Variants in TMED10 observed in about 807,000 individuals in gnomAD.
The protein encoded by TMED10 is transmembrane p24 trafficking protein 10.
Under a neutral mutation model 23.1 loss-of-function variants are expected in TMED10, and 7 were observed. The ratio of observed to expected loss-of-function variants is 0.30; its 90% CI spans 0.17 to 0.57. The LOEUF (loss-of-function observed/expected upper bound fraction) is 0.57, where lower values mean the gene tolerates loss of function less well. Ranked by LOEUF, TMED10 falls within the 20% of genes least tolerant of loss-of-function variation. The probability of loss-of-function intolerance (pLI) is 0.91; values close to 1 mark genes in which losing one functional copy is unlikely to be tolerated. For missense variants in TMED10, 162 were observed against 274.8 expected, an observed-to-expected ratio of 0.59 and a Z score of 2.90; for synonymous variants, 113 against 106.9, an observed-to-expected ratio of 1.06 and a Z score of -0.35.
chr14:75,172,284 T>C (rs554830667), intron 1 of TMED10, among the ~76,000 whole-genome samples: 1 of 151,942 alleles, frequency 6.6e-6, no homozygotes, highest in Non-Finnish European at 1.5e-5. Flanking sequence ...TCATACTATA[T>C]GGACTGGGTA....
chr14:75,168,620 A>C (rs1336218957), intron 1 of TMED10, among the ~76,000 whole-genome samples: 1 of 152,216 alleles, frequency 6.6e-6, no homozygotes, highest in Non-Finnish European at 1.5e-5. Flanking sequence ...AAACAGGACC[A>C]GAGAAGAAGG....
At chr14:75,139,319 T>C (rs1895793355) in intron 3 of TMED10, 1 of 332,424 alleles carries the variant, frequency 3.0e-6, no homozygotes, top group South Asian at 2.5e-5. Flanking sequence ...TCTTAACTGC[T>C]GCACAGCATT....
intron 3 of TMED10, among the ~76,000 whole-genome samples, chr14:75,147,360 A>C (rs899037647): frequency 6.6e-6 from 1 of 151,894 alleles, no homozygotes; most frequent in African/African-American, 2.4e-5. Flanking sequence ...CTCCTGGCTA[A>C]TTTTTGTATT....
At chr14:75,175,039 C>CAAAAAAA (rs57423430) in intron 1 of TMED10, among the ~76,000 whole-genome samples, 4 of 87,084 alleles carry the variant, frequency 4.6e-5, no homozygotes, top group Admixed American at 1.3e-4. Context: ...GACTCCGTCT[C>CAAAAAAA]AAAAAAAAAA....
chr14:75,172,995 C>T (rs1184386984), intron 1 of TMED10, among the ~76,000 whole-genome samples: 1 of 152,068 alleles, frequency 6.6e-6, no homozygotes, highest in African/African-American at 2.4e-5. Context: ...TCGGGTGGGC[C>T]GGGAGCTCCC....
intron 1 of TMED10, among the ~76,000 whole-genome samples, chr14:75,153,321 A>G (rs1320587600): frequency 6.6e-6 from 1 of 152,160 alleles, no homozygotes; most frequent in Non-Finnish European, 1.5e-5. Context: ...ATCCTAAAAA[A>G]AAAAAGGTAT....
intron 1 of TMED10, among the ~76,000 whole-genome samples, chr14:75,158,489 G>A (rs1480479225): frequency 6.6e-6 from 1 of 152,044 alleles, no homozygotes. Context: ...CACTACACCC[G>A]ACTAATTGTC....
chr14:75,163,351 G>A lies in TMED10; in HGVS notation c.226-11208C>T, dbSNP rs572861628. Among the ~76,000 whole-genome samples, 36 of 151,956 alleles carry A rather than the reference G, an allele frequency of 2.4e-4. No individual in the cohort carries two copies. In the East Asian group the frequency reaches 6.2e-3, roughly 26 times the overall value. ...GCAGATCACTTGAGGTCAGGAGTTCGAGACCATCTTGCCTAACACGGTGAA... is the reference window on the plus strand; with the variant it reads ...GCAGATCACTTGAGGTCAGGAGTTCAAGACCATCTTGCCTAACACGGTGAA... On this transcript the variant is annotated intron_variant, in intron 1 of 4. Transcript: ENST00000303575.
intron 1 of TMED10, among the ~76,000 whole-genome samples, chr14:75,153,158 C>T (rs1895975557): frequency 6.6e-6 from 1 of 151,838 alleles, no homozygotes; most frequent in African/African-American, 2.4e-5. Flanking sequence ...GGCGAAACCT[C>T]ATCTCTACAA....
At chr14:75,155,134 T>A (rs1329641164) in intron 1 of TMED10, among the ~76,000 whole-genome samples, 1 of 152,016 alleles carries the variant, frequency 6.6e-6, no homozygotes, top group African/African-American at 2.4e-5. Flanking sequence ...AATTTTTATG[T>A]TTTTAGTAGA....
chr14:75,168,545 A>C lies in TMED10; in HGVS notation c.225+7810T>G, dbSNP rs1252818699. 2.6e-5 allele frequency among the ~76,000 whole-genome samples: 4 copies of C among 152,338 alleles called. 1 individual carries two copies. The highest frequency in any genetic ancestry group is 9.6e-5 in the African/African-American group (4 of 41,588). ...CACCATAATGGGCCCTGCACAATAA[A>C]AACCTCACCCATCTCAATCAGTCCT... On this transcript the variant is annotated intron_variant, in intron 1 of 4. Coordinates refer to ENST00000303575, the MANE Select transcript of TMED10 (RefSeq NM_006827.6).
At position 75,133,830 on chromosome 14, in the gene TMED10, G is replaced by A; in HGVS notation, c.*1055C>T. ...TACTACTCAGCAATCAAAAGGAACT[G>A]CCCCCACTTCACCACGATGCAATAT... On this transcript the variant is annotated 3_prime_UTR_variant, in exon 5 of 5. Coordinates refer to ENST00000303575, the MANE Select transcript of TMED10 (RefSeq NM_006827.6). 1 of 305,276 alleles carries A rather than the reference G, an allele frequency of 3.3e-6. No homozygotes were observed. The highest frequency in any genetic ancestry group is 6.2e-6 in the Non-Finnish European group (1 of 161,568). 18.9% of individuals were successfully genotyped at this position (305,276 alleles called of 1,614,324 possible). A position where few individuals can be genotyped will look rare whatever the true frequency, so the allele number is the denominator to read the frequency against.
chr14:75,138,452 C>T (rs1252912069), intron 3 of TMED10, among the ~76,000 whole-genome samples: 1 of 152,178 alleles, frequency 6.6e-6, no homozygotes, highest in African/African-American at 2.4e-5. Context: ...AGCTAACTTT[C>T]CTAAGTGAAT....
intron 2 of TMED10, among the ~76,000 whole-genome samples, chr14:75,151,325 T>C (rs142731716): frequency 3.6e-4 from 55 of 152,194 alleles, no homozygotes; most frequent in African/African-American, 1.3e-3. Flanking sequence ...GTTTAAGTGA[T>C]TCTCCTGCCT....
At chr14:75,142,493 T>C (rs1200328135) in intron 3 of TMED10, among the ~76,000 whole-genome samples, 1 of 152,168 alleles carries the variant, frequency 6.6e-6, no homozygotes, top group Non-Finnish European at 1.5e-5. Context: ...ATCTGACCTA[T>C]CTTTCAAGCC....
intron 1 of TMED10, among the ~76,000 whole-genome samples, chr14:75,155,577 T>G (rs192251813): frequency 1.1e-3 from 170 of 152,354 alleles, no homozygotes; most frequent in African/African-American, 3.8e-3. Flanking sequence ...AATTTTTATT[T>G]GCCAATTATA....
chr14:75,176,010 TATAA>T, intron 1 of TMED10: 1 of 348,590 alleles, frequency 2.9e-6, no homozygotes, highest in Non-Finnish European at 5.4e-6. Context: ...TGCCAATCCG[TATAA>T]ATATTCAACA....
chr14:75,158,731 CCTGA>C (rs1896051568), intron 1 of TMED10, among the ~76,000 whole-genome samples: 2 of 151,920 alleles, frequency 1.3e-5, no homozygotes, highest in Non-Finnish European at 2.9e-5. Flanking sequence ...TCGAGACCAG[CCTGA>C]CTAACATGGA....
At chr14:75,162,910 C>A (rs1363019126) in intron 1 of TMED10, among the ~76,000 whole-genome samples, 1 of 151,952 alleles carries the variant, frequency 6.6e-6, no homozygotes, top group African/African-American at 2.4e-5. Context: ...TAGAGGGCAA[C>A]CTACAAAATA....
Sources: gnomAD v4.1 joint callset for allele counts (sites outside exome capture counted in the v4.1 genomes callset) on GRCh38, gnomAD v4.1.1 for gene constraint, MANE v1.5 for transcripts, NCBI Gene and HGNC (gene_info 2026-07-23, HGNC 2026-07-21) for gene names.